TDP1: variants seen among roughly 807,000 people sequenced by gnomAD.
TDP1 encodes the protein tyrosyl-DNA phosphodiesterase 1.
In TDP1, 64 loss-of-function variants were observed where a neutral mutation model predicts 81.5. The observed-to-expected ratio is 0.79, with a 90% confidence interval of 0.64 to 0.97. TDP1 has a LOEUF of 0.97. TDP1 is among the 50% of genes least tolerant of loss of function. The pLI, the probability that TDP1 is intolerant of heterozygous loss-of-function variation, is 0.00. For synonymous variants in TDP1, 256 were observed against 264.3 expected (o/e 0.97, Z 0.30); for missense variants, 723 against 743.8 (o/e 0.97, Z 0.33).
chr14:89,975,325 C>A (rs539816362), intron 6 of TDP1: 3 of 698,516 alleles, frequency 4.3e-6, no homozygotes, highest in Non-Finnish European at 3.5e-6. Context: ...ATGTGCCCGC[C>A]TCAGCCTCCC....
In TDP1 at chr14:89,989,813, G is replaced by T. The variant is rs45517940; in HGVS notation, c.1366+48G>T. 1.7e-5 allele frequency: 24 copies of T among 1,411,090 alleles called. 1 individual carries two copies. The highest frequency in any genetic ancestry group is 1.0e-4 in the Admixed American group (6 of 59,578). 87.4% of individuals were successfully genotyped at this position (1,411,090 alleles called of 1,614,324 possible). ...TGATTGTGTTTTATGTATATTTCAT[G>T]AATGTCCTGGTAAAGTTTTACTACT... is the stretch of plus-strand genomic sequence containing the variant. On this transcript the variant is annotated intron_variant, in intron 12 of 16. Transcript: ENST00000335725.
intron 16 of TDP1, among the ~76,000 whole-genome samples, chr14:90,040,718 G>A (rs1463496744): frequency 1.3e-5 from 2 of 152,230 alleles, no homozygotes; most frequent in African/African-American, 4.8e-5. Flanking sequence ...CATAAAGCAG[G>A]TTTTCCTCTC....
rs531467629 is a variant in TDP1, at chr14:89,999,658, A to G, written c.1541+6175A>G. On this transcript the variant is annotated intron_variant, in intron 14 of 16. Coordinates refer to ENST00000335725, the MANE Select transcript of TDP1 (RefSeq NM_018319.4). ...AGAATTATAGGCAATATGAATTTTG[A>G]CTTTTAACATGATAGACTTTAAAAA... 1.9e-4 allele frequency among the ~76,000 whole-genome samples: 29 copies of G among 152,354 alleles called. No individual in the cohort carries two copies. The South Asian group carries it at 5.6e-3, about 29-fold the overall frequency.
intron 14 of TDP1, among the ~76,000 whole-genome samples, chr14:90,004,672 G>C (rs1300418225): frequency 1.3e-5 from 2 of 152,186 alleles, no homozygotes; most frequent in Non-Finnish European, 2.9e-5. Context: ...GACAGGTGTG[G>C]TCCCTGCTCT....
chr14:90,030,597 CA>C (rs1289430957), intron 15 of TDP1, among the ~76,000 whole-genome samples: 2 of 152,178 alleles, frequency 1.3e-5, no homozygotes, highest in Non-Finnish European at 2.9e-5. Flanking sequence ...CACTTTCACA[CA>C]GGTTGTGCCA....
rs549950335 is a variant in TDP1, at chr14:90,014,753, T to TA, written c.1542-4555dup. ...ACCCTTGGGGACTTGTACATCTTCT[T>TA]AAAAAAAACTTAAAAGTGAATCTAA... On this transcript the variant is annotated intron_variant, in intron 14 of 16. Coordinates refer to ENST00000335725, the MANE Select transcript of TDP1 (RefSeq NM_018319.4). 3.2e-4 allele frequency among the ~76,000 whole-genome samples: 48 copies of TA among 152,078 alleles called. No homozygotes were observed. In the South Asian group the frequency reaches 5.6e-3, roughly 18 times the overall value.
intron 15 of TDP1, chr14:90,023,033 C>A (rs1177613961): frequency 1.3e-6 from 1 of 762,922 alleles, no homozygotes. Flanking sequence ...GTCTTCCAGG[C>A]CCCTGCGAAG....
intron 14 of TDP1, among the ~76,000 whole-genome samples, chr14:90,013,845 C>G (rs1197944388): frequency 6.6e-6 from 1 of 152,136 alleles, no homozygotes; most frequent in African/African-American, 2.4e-5. Flanking sequence ...ACCTCTTTTA[C>G]TTGGCTCTCA....
chr14:90,032,447 G>C (rs1242033816), intron 15 of TDP1, among the ~76,000 whole-genome samples: 1 of 152,058 alleles, frequency 6.6e-6, no homozygotes, highest in Non-Finnish European at 1.5e-5. Context: ...ATGGAAGCAC[G>C]AGGGGGCACA....
intron 5 of TDP1, among the ~76,000 whole-genome samples, chr14:89,969,011 A>G (rs1596514389): frequency 6.6e-6 from 1 of 152,226 alleles, no homozygotes; most frequent in South Asian, 2.1e-4. Flanking sequence ...GTGCAGAGAC[A>G]GAGATAAGAC....
intron 16 of TDP1, among the ~76,000 whole-genome samples, chr14:90,040,272 T>C (rs1596736089): frequency 6.6e-6 from 1 of 152,324 alleles, no homozygotes; most frequent in Middle Eastern, 3.4e-3. Flanking sequence ...TCTTCCACTA[T>C]AGTCCAGAAA....
At chr14:90,019,040 A>T in intron 14 of TDP1, 1 of 984,654 alleles carries the variant, frequency 1.0e-6, no homozygotes, top group Non-Finnish European at 1.2e-6. Context: ...AACGAAAAAA[A>T]TAAAATCTAA....
chr14:89,976,524 G>A (rs1004759851), intron 7 of TDP1, among the ~76,000 whole-genome samples: 1 of 135,158 alleles, frequency 7.4e-6, no homozygotes, highest in East Asian at 2.3e-4. Context: ...ACTCAACAGA[G>A]CTCTTTTTTT....
intron 5 of TDP1, among the ~76,000 whole-genome samples, chr14:89,968,499 C>T (rs1893209297): frequency 2.0e-5 from 3 of 152,226 alleles, no homozygotes; most frequent in African/African-American, 7.2e-5. Flanking sequence ...CCCATCTAAG[C>T]AGCCTTCCTG....
intron 3 of TDP1, chr14:89,965,703 T>G: frequency 1.1e-6 from 1 of 887,934 alleles, no homozygotes; most frequent in Non-Finnish European, 1.3e-6. Context: ...CCACAGGTGC[T>G]TTCCAGTCTT....
chr14:89,975,579 G>GTTTTT, intron 6 of TDP1: 2 of 361,642 alleles, frequency 5.5e-6, no homozygotes, highest in Non-Finnish European at 6.9e-6. Context: ...AACAAAATTT[G>GTTTTT]TGTTTTTTTT....
chr14:89,995,846 A>G (rs34792766), intron 14 of TDP1, among the ~76,000 whole-genome samples: 4,499 of 152,272 alleles, frequency 0.03, 101 homozygotes, highest in African/African-American at 0.062. Context: ...ATGTTTGGCA[A>G]ACATTTGCTG....
chr14:89,968,883 T>G (rs1347903619), intron 5 of TDP1, among the ~76,000 whole-genome samples: 1 of 152,210 alleles, frequency 6.6e-6, no homozygotes, highest in Non-Finnish European at 1.5e-5. Context: ...CCTCAGTACC[T>G]CAGAATGTGA....
chr14:90,023,233 C>T (rs1436243885), intron 15 of TDP1, among the ~76,000 whole-genome samples: 4 of 152,144 alleles, frequency 2.6e-5, no homozygotes, highest in South Asian at 2.1e-4. Context: ...AGGTGGCATT[C>T]GATCTCACTC....
Sources: gnomAD v4.1 joint callset for allele counts (sites outside exome capture counted in the v4.1 genomes callset) on GRCh38, gnomAD v4.1.1 for gene constraint, MANE v1.5 for transcripts, NCBI Gene and HGNC (gene_info 2026-07-23, HGNC 2026-07-21) for gene names.